The following DHRS7B variants were observed in gnomAD, a reference collection of about 807,000 sequenced individuals.
The protein encoded by DHRS7B is peroxisomal reductase activating PPAR-gamma.
A neutral mutation model predicts 26.4 loss-of-function variants in DHRS7B; 24 were observed. The ratio of observed to expected loss-of-function variants is 0.91; its 90% CI spans 0.66 to 1.28. The LOEUF is 1.28. Among genes scored for constraint, DHRS7B ranks in the 50% most tolerant of loss-of-function variants. DHRS7B has a pLI of 0.00. For missense variants in DHRS7B, 368 were observed against 419.4 expected, an observed-to-expected ratio of 0.88 and a Z score of 1.07; for synonymous variants, 142 against 166.4, an observed-to-expected ratio of 0.85 and a Z score of 1.13.
intron 5 of DHRS7B, among the ~76,000 whole-genome samples, chr17:21,185,465 C>G (rs533317744): frequency 1.6e-4 from 24 of 152,348 alleles, no homozygotes; most frequent in African/African-American, 5.8e-4. Context: ...GGACACATTA[C>G]TTAACTATTC....
chr17:21,148,928 C>T (rs1023359842), intron 1 of DHRS7B, among the ~76,000 whole-genome samples: 1 of 152,070 alleles, frequency 6.6e-6, no homozygotes, highest in African/African-American at 2.4e-5. Flanking sequence ...CAACAGAAAA[C>T]TTTACACAAC....
intron 1 of DHRS7B, among the ~76,000 whole-genome samples, chr17:21,148,469 A>G (rs11204339): frequency 0.85 from 128,725 of 152,080 alleles, 54,593 homozygotes; most frequent in South Asian, 0.88. Flanking sequence ...ATACACGGCC[A>G]GGCACAGTGG....
At chr17:21,178,657 GTT>G (rs373480205) in intron 3 of DHRS7B, among the ~76,000 whole-genome samples, 5,904 of 134,662 alleles carry the variant, frequency 0.044, 148 homozygotes, top group Non-Finnish European at 0.061. Flanking sequence ...TTTAAAAGGT[GTT>G]TTTTTTTTTT....
intron 2 of DHRS7B, 68 bp from the exon 3 acceptor site, chr17:21,178,165 G>A (rs1165176162): frequency 9.5e-6 from 14 of 1,477,370 alleles, no homozygotes; most frequent in South Asian, 2.3e-5. Context: ...AAACAGCAAC[G>A]CTGGGTGAAT....
rs1597757787 is a variant in DHRS7B at position 21,183,479 on chromosome 17, A to T, written c.310-115A>T. 4 of 949,214 alleles carry T rather than the reference A, an allele frequency of 4.2e-6. No individual in the cohort carries two copies. The East Asian group carries it at 1.1e-4, about 25-fold the overall frequency. 58.8% of individuals were successfully genotyped at this position (949,214 alleles called of 1,614,324 possible). ...GGGTTTAGTTTGCTATTCTTTTTCT[A>T]GTTCCTTAAAATATAAAGTTACATT... On this transcript the variant is annotated intron_variant, in intron 3 of 6. Coordinates refer to ENST00000395511, the MANE Select transcript of DHRS7B (RefSeq NM_015510.5).
At chr17:21,156,265 A>C (rs972177502) in intron 1 of DHRS7B, among the ~76,000 whole-genome samples, 13 of 152,242 alleles carry the variant, frequency 8.5e-5, no homozygotes, top group Admixed American at 7.2e-4. Flanking sequence ...GACTAATATC[A>C]GAAATGAAAG....
In DHRS7B at chr17:21,170,816, A is replaced by G. The variant is rs1974223686; in HGVS notation, c.21-1202A>G. Among the ~76,000 whole-genome samples, 2 of 151,932 alleles carry G rather than the reference A, an allele frequency of 1.3e-5. 1 individual carries two copies. Among genetic ancestry groups the G allele is most frequent in the South Asian group, 4.1e-4 (2 of 4,824 alleles). On this transcript the variant is annotated intron_variant, in intron 1 of 6. Transcript: ENST00000395511. Reference sequence around the variant, plus strand: ...GGGAGTCCACAGTGTTCCTGGCTTCACTCTGGCATCCAGAGTTGATGTCCT... The same window carrying G: ...GGGAGTCCACAGTGTTCCTGGCTTCGCTCTGGCATCCAGAGTTGATGTCCT...
intron 1 of DHRS7B, among the ~76,000 whole-genome samples, chr17:21,169,709 C>A (rs1471136348): frequency 6.6e-6 from 1 of 152,110 alleles, no homozygotes; most frequent in African/African-American, 2.4e-5. Flanking sequence ...TGCCTCAGCC[C>A]CAGGTTGTCA....
chr17:21,138,161 T>C (rs1435065209), intron 1 of DHRS7B, among the ~76,000 whole-genome samples: 1 of 143,114 alleles, frequency 7.0e-6, no homozygotes, highest in African/African-American at 2.6e-5. Flanking sequence ...TACTGACCAT[T>C]CGTGACATGC....
rs559201326 is a variant in DHRS7B, at chr17:21,132,720, G to A, written c.20+5729G>A. 1.9e-4 allele frequency among the ~76,000 whole-genome samples: 29 copies of A among 152,218 alleles called. No individual in the cohort carries two copies. The East Asian group carries it at 3.1e-3, about 16-fold the overall frequency. The stretch of plus-strand genomic sequence containing the variant: ...AGGTTAAAGTTTGTTTGCACATCCA[G>A]TTAGGTTACAGGTCACTAGCTATGG... On this transcript the variant is annotated intron_variant, in intron 1 of 6. Transcript: ENST00000395511.
At chr17:21,167,627 C>G (rs1041558918) in intron 1 of DHRS7B, among the ~76,000 whole-genome samples, 1 of 152,196 alleles carries the variant, frequency 6.6e-6, no homozygotes, top group Non-Finnish European at 1.5e-5. Context: ...GCTTCACTCT[C>G]TCTCCCCATG....
intron 1 of DHRS7B, among the ~76,000 whole-genome samples, chr17:21,160,978 T>C (rs1468336145): frequency 6.6e-6 from 1 of 152,210 alleles, no homozygotes; most frequent in Non-Finnish European, 1.5e-5. Flanking sequence ...ATGTACCATA[T>C]GTTTCCAAGT....
intron 1 of DHRS7B, among the ~76,000 whole-genome samples, chr17:21,129,470 C>T (rs1973178829): frequency 6.6e-6 from 1 of 151,882 alleles, no homozygotes; most frequent in Non-Finnish European, 1.5e-5. Context: ...CTTTGGGAGG[C>T]TGAGGTGGGA....
chr17:21,147,785 G>C (rs1973673787), intron 1 of DHRS7B, among the ~76,000 whole-genome samples: 1 of 152,198 alleles, frequency 6.6e-6, no homozygotes. Flanking sequence ...GTGGGAGGCA[G>C]GTCTGCCATC....
At chr17:21,138,165 G>A (rs369947457) in intron 1 of DHRS7B, among the ~76,000 whole-genome samples, 3 of 137,246 alleles carry the variant, frequency 2.2e-5, no homozygotes, top group African/African-American at 8.2e-5. Flanking sequence ...GACCATTCGT[G>A]ACATGCTTGG....
At chr17:21,132,348 A>AAAAATATATAT (rs1491147235) in intron 1 of DHRS7B, among the ~76,000 whole-genome samples, 1 of 125,022 alleles carries the variant, frequency 8.0e-6, no homozygotes, top group African/African-American at 2.9e-5. Context: ...AAAAAAAAAA[A>AAAAATATATAT]ATATATATAT....
At chr17:21,180,310 T>C (rs1259911623) in intron 3 of DHRS7B, among the ~76,000 whole-genome samples, 1 of 151,740 alleles carries the variant, frequency 6.6e-6, no homozygotes, top group Admixed American at 6.6e-5. Flanking sequence ...CTTGACCTCA[T>C]GATCCACCTG....
intron 5 of DHRS7B, among the ~76,000 whole-genome samples, chr17:21,185,763 C>CT (rs773385948): frequency 6.2e-4 from 95 of 152,090 alleles, no homozygotes; most frequent in Non-Finnish European, 1.2e-3. Flanking sequence ...TCTCGGCTCA[C>CT]TACAACCTCC....
At chr17:21,170,347 C>T (rs2144115026) in intron 1 of DHRS7B, among the ~76,000 whole-genome samples, 1 of 152,292 alleles carries the variant, frequency 6.6e-6, no homozygotes, top group South Asian at 2.1e-4. Flanking sequence ...CCTTGGGACC[C>T]AGCATAGCCT....
Sources: gnomAD v4.1 joint callset for allele counts (sites outside exome capture counted in the v4.1 genomes callset) on GRCh38, gnomAD v4.1.1 for gene constraint, MANE v1.5 for transcripts, NCBI Gene and HGNC (gene_info 2026-07-23, HGNC 2026-07-21) for gene names.